The following INVS variants were observed in gnomAD, a reference collection of about 807,000 sequenced individuals.
The protein encoded by INVS is inversin.
Under a neutral mutation model 108.8 loss-of-function variants are expected in INVS, and 86 were observed. The observed-to-expected ratio is 0.79, with a 90% confidence interval of 0.66 to 0.95. The LOEUF (loss-of-function observed/expected upper bound fraction) is 0.95. Ranked by LOEUF, INVS falls within the 40% of genes least tolerant of loss-of-function variation. The probability of loss-of-function intolerance (pLI) is 0.00; values close to 1 mark genes in which losing one functional copy is unlikely to be tolerated. For missense variants in INVS, 1,169 were observed against 1,297.4 expected, an observed-to-expected ratio of 0.90 and a Z score of 1.52; for synonymous variants, 455 against 473.5, an observed-to-expected ratio of 0.96 and a Z score of 0.51.
intron 3 of INVS, chr9:100,175,304 G>T (rs2119052343): frequency 4.2e-6 from 3 of 706,838 alleles, no homozygotes; most frequent in Non-Finnish European, 7.9e-6. Flanking sequence ...TATATCTTCT[G>T]CTGAGATGCC....
intron 2 of INVS, among the ~76,000 whole-genome samples, chr9:100,114,888 A>G (rs1229250612): frequency 1.3e-5 from 2 of 152,224 alleles, no homozygotes; most frequent in Admixed American, 6.5e-5. Flanking sequence ...ATTATGAATA[A>G]TGCTGCCGTA....
chr9:100,163,632 G>A (rs759924658), intron 3 of INVS, among the ~76,000 whole-genome samples: 37 of 152,156 alleles, frequency 2.4e-4, no homozygotes, highest in Non-Finnish European at 5.0e-4. Context: ...GAGGGTGATA[G>A]GGAGTGTAGG....
At chr9:100,182,778 G>C (rs2119077394) in intron 3 of INVS, among the ~76,000 whole-genome samples, 1 of 152,216 alleles carries the variant, frequency 6.6e-6, no homozygotes, top group South Asian at 2.1e-4. Flanking sequence ...CCCATTACTG[G>C]ATATATGCCC....
At chr9:100,190,836 A>G (rs376627564) in intron 3 of INVS, among the ~76,000 whole-genome samples, 1 of 151,290 alleles carries the variant, frequency 6.6e-6, no homozygotes, top group East Asian at 1.9e-4. Flanking sequence ...TGATAATTAT[A>G]TGCCTTGGTG....
chr9:100,141,027 G>A (rs1415078583), intron 3 of INVS, among the ~76,000 whole-genome samples: 1 of 152,144 alleles, frequency 6.6e-6, no homozygotes, highest in African/African-American at 2.4e-5. Context: ...TTTGGGGATA[G>A]CTCCAGGAGA....
chr9:100,298,852 A>G (rs776528567), intron 16 of INVS, among the ~76,000 whole-genome samples: 2 of 151,874 alleles, frequency 1.3e-5, no homozygotes, highest in Non-Finnish European at 2.9e-5. Context: ...TTTCAAAGCA[A>G]TCAAGGCCTA....
intron 2 of INVS, among the ~76,000 whole-genome samples, chr9:100,107,358 A>G (rs1020020504): frequency 4.6e-5 from 7 of 152,208 alleles, no homozygotes; most frequent in African/African-American, 1.7e-4. Context: ...TAAATGTTCC[A>G]TGTTCACTTG....
intron 12 of INVS, among the ~76,000 whole-genome samples, chr9:100,274,414 A>AT (rs1310328175): frequency 6.6e-6 from 1 of 152,206 alleles, no homozygotes; most frequent in Non-Finnish European, 1.5e-5. Flanking sequence ...CTTTTCTTTG[A>AT]TAGATATGTT....
intron 3 of INVS, among the ~76,000 whole-genome samples, chr9:100,143,937 C>T (rs368315217): frequency 6.6e-5 from 10 of 152,198 alleles, no homozygotes; most frequent in South Asian, 6.2e-4. Context: ...GCTTCCGAGG[C>T]GATCGGGCAG....
rs1343489333 is a variant in INVS, at chr9:100,101,016, GTA to G, written c.-25+1608_-25+1609del. Among the ~76,000 whole-genome samples, 22 of 87,712 alleles carry G rather than the reference GTA, an allele frequency of 2.5e-4. No homozygotes were observed. In the Admixed American group the frequency reaches 2.5e-3, roughly 10 times the overall value. The allele number at this position is 87,712 out of a possible 152,430, so 57.5% of individuals were successfully genotyped here. On this transcript the variant is annotated intron_variant, in intron 1 of 16. Coordinates refer to ENST00000262457, the MANE Select transcript of INVS (RefSeq NM_014425.5). Reference sequence around the variant, plus strand: ...TGTATATATAATATATATATTATATGTATATATATTATATATATTATATATGT... The same window carrying G: ...TGTATATATAATATATATATTATATGTATATATTATATATATTATATATGT...
At chr9:100,293,259 C>T (rs1161830540) in intron 14 of INVS, among the ~76,000 whole-genome samples, 1 of 152,134 alleles carries the variant, frequency 6.6e-6, no homozygotes, top group African/African-American at 2.4e-5. Flanking sequence ...TGGGAAAGTG[C>T]TCAGGACAGC....
At chr9:100,162,418 C>T (rs7862614) in intron 3 of INVS, among the ~76,000 whole-genome samples, 26,501 of 152,056 alleles carry the variant, frequency 0.17, 3,400 homozygotes, top group African/African-American at 0.36. Context: ...CTTTATTCTC[C>T]GCTGTAATCA....
chr9:100,261,911 C>T (rs768826111), intron 10 of INVS, among the ~76,000 whole-genome samples: 18 of 152,066 alleles, frequency 1.2e-4, no homozygotes, highest in Non-Finnish European at 2.5e-4. Context: ...CTATAGATTT[C>T]CTTATATTCC....
At chr9:100,260,274 C>T (rs1832577834) in intron 10 of INVS, among the ~76,000 whole-genome samples, 1 of 149,686 alleles carries the variant, frequency 6.7e-6, no homozygotes, top group African/African-American at 2.5e-5. Flanking sequence ...ACTGCAACCT[C>T]CACCTCCCAG....
chr9:100,300,620 C>T lies in INVS; in HGVS notation c.3144C>T (p.Asn1048=). ...HLLENSGRSK[N]FSYNLQSATQ... ...TTGAGAACAGTGGAAGATCAAAGAA[C>T]TTTTCTTATAACCTGCAATCAGCTA... Residue 1048 remains asparagine, a synonymous_variant, in exon 17 of 17, where the codon AAC becomes AAT. Coordinates refer to ENST00000262457, the MANE Select transcript of INVS (RefSeq NM_014425.5). 6.2e-7 allele frequency: 1 copy of T among 1,614,046 alleles called. No individual in the cohort carries two copies. The highest frequency in any genetic ancestry group is 1.1e-5 in the South Asian group (1 of 91,078).
Position 100,252,370 on chromosome 9 carries a change from T to C in INVS, c.1166T>C (p.Met389Thr). The part of the protein sequence containing the change: ...NNAQVDATDV[M>T]KHTPLFRACE... Reference sequence around the variant, plus strand: ...GCTCAAGTAGATGCTACTGATGTTATGAAACATACTCCACTTTTCCGAGCC... The same window carrying C: ...GCTCAAGTAGATGCTACTGATGTTACGAAACATACTCCACTTTTCCGAGCC... Residue 389 changes from methionine to threonine, a missense_variant, in exon 9 of 17, where the codon ATG (methionine) becomes ACG (threonine). Met to Thr is a moderately conservative substitution (Grantham distance 81). Transcript: ENST00000262457. The C allele has an allele frequency of 6.2e-7, 1 of 1,614,048 alleles. No homozygotes were observed. The highest frequency in any genetic ancestry group is 8.5e-7 in the Non-Finnish European group (1 of 1,179,908).
At chr9:100,261,660 A>G (rs536032060) in intron 10 of INVS, among the ~76,000 whole-genome samples, 2 of 152,192 alleles carry the variant, frequency 1.3e-5, no homozygotes, top group African/African-American at 2.4e-5. Context: ...TTCCAGTTCT[A>G]TTAGCTGCTA....
chr9:100,190,825 C>T (rs1451310601), intron 3 of INVS, among the ~76,000 whole-genome samples: 1 of 151,792 alleles, frequency 6.6e-6, no homozygotes, highest in Admixed American at 6.6e-5. Context: ...TTTAGATACC[C>T]TGATAATTAT....
intron 13 of INVS, among the ~76,000 whole-genome samples, chr9:100,289,199 T>C (rs1833540422): frequency 6.6e-6 from 1 of 152,242 alleles, no homozygotes; most frequent in African/African-American, 2.4e-5. Context: ...GTATATTTTC[T>C]ATCTTCTATG....
Sources: allele counts gnomAD v4.1 joint callset (sites outside exome capture counted in the v4.1 genomes callset), GRCh38; gene constraint gnomAD v4.1.1; transcripts MANE v1.5; gene names NCBI Gene and HGNC (gene_info 2026-07-23, HGNC 2026-07-21).